The following SUGCT variants were observed in gnomAD, a reference collection of about 807,000 sequenced individuals.
The protein encoded by SUGCT is succinyl-CoA:glutarate CoA-transferase.
Under a neutral mutation model 55.0 loss-of-function variants are expected in SUGCT, and 41 were observed. The observed-to-expected ratio is 0.74, with a 90% CI of 0.58 to 0.97. SUGCT has a LOEUF of 0.97. Ranked by LOEUF, SUGCT falls within the 50% of genes least tolerant of loss-of-function variation. The probability of loss-of-function intolerance (pLI) is 0.00; values close to 1 mark genes in which losing one functional copy is unlikely to be tolerated. For missense variants in SUGCT, 568 were observed against 547.8 expected (o/e 1.04, Z -0.37); for synonymous variants, 187 against 200.4 (o/e 0.93, Z 0.56).
chr7:40,530,969 A>T (rs981073240), intron 12 of SUGCT, among the ~76,000 whole-genome samples: 8 of 152,244 alleles, frequency 5.3e-5, no homozygotes, highest in Non-Finnish European at 8.8e-5. Flanking sequence ...ATAATAAACA[A>T]GTAAATATAA....
chr7:40,704,275 T>C (rs1166380110), intron 12 of SUGCT, among the ~76,000 whole-genome samples: 3 of 152,310 alleles, frequency 2.0e-5, no homozygotes, highest in Non-Finnish European at 4.4e-5. Context: ...TCTCTTCATC[T>C]GTAAGTGGGG....
chr7:40,923,696 A>G, the SUGCT span, among the ~76,000 whole-genome samples: 11,837 of 152,168 alleles, frequency 0.078, 519 homozygotes, highest in African/African-American at 0.11. Flanking sequence ...TATTGCCTAC[A>G]TCCTTGGCAA....
intron 12 of SUGCT, among the ~76,000 whole-genome samples, chr7:40,618,350 T>G (rs942090306): frequency 6.6e-6 from 1 of 152,174 alleles, no homozygotes; most frequent in Non-Finnish European, 1.5e-5. Flanking sequence ...AGTCCACATC[T>G]CACTCAACAG....
chr7:40,632,095 G>A (rs1799814713), intron 12 of SUGCT, among the ~76,000 whole-genome samples: 1 of 152,144 alleles, frequency 6.6e-6, no homozygotes, highest in Admixed American at 6.5e-5. Context: ...TGGAAATGGT[G>A]CTTTATACAT....
chr7:41,038,173 G>A, the SUGCT span, among the ~76,000 whole-genome samples: 11 of 152,180 alleles, frequency 7.2e-5, no homozygotes, highest in Non-Finnish European at 1.6e-4. Context: ...CAGGTGGAAA[G>A]TGAGGCATCC....
At chr7:40,953,903 A>T in the SUGCT span, among the ~76,000 whole-genome samples, 8 of 152,134 alleles carry the variant, frequency 5.3e-5, no homozygotes, top group Non-Finnish European at 1.2e-4. Context: ...GGGGTCAGGG[A>T]CCCACTTGAG....
At chr7:40,789,726 A>G (rs1486832851) in intron 13 of SUGCT, among the ~76,000 whole-genome samples, 1 of 152,166 alleles carries the variant, frequency 6.6e-6, no homozygotes, top group Admixed American at 6.5e-5. Context: ...CTAAAGAGTA[A>G]AAGCCTACTT....
intron 9 of SUGCT, among the ~76,000 whole-genome samples, chr7:40,398,565 C>A (rs889946245): frequency 4.1e-5 from 6 of 145,440 alleles, no homozygotes; most frequent in Non-Finnish European, 1.5e-5. Flanking sequence ...CTAAATTATG[C>A]TTCCCGGGAT....
chr7:40,759,891 A>G (rs1788447414), intron 13 of SUGCT, among the ~76,000 whole-genome samples: 1 of 151,944 alleles, frequency 6.6e-6, no homozygotes, highest in Non-Finnish European at 1.5e-5. Context: ...ATTAAAAAAA[A>G]AAGCAGCAGC....
At chr7:41,035,446 GC>G in the SUGCT span, among the ~76,000 whole-genome samples, 10 of 152,108 alleles carry the variant, frequency 6.6e-5, no homozygotes, top group African/African-American at 2.4e-4. Context: ...GCAAAGAGGG[GC>G]TGCGTTGTTT....
chr7:40,162,774 A>G (rs1784241063), intron 1 of SUGCT, among the ~76,000 whole-genome samples: 1 of 152,168 alleles, frequency 6.6e-6, no homozygotes, highest in South Asian at 2.1e-4. Flanking sequence ...GATGTGAGTC[A>G]CCTCGCCCAG....
intron 6 of SUGCT, among the ~76,000 whole-genome samples, chr7:40,221,495 T>C (rs1184868340): frequency 8.2e-6 from 1 of 122,060 alleles, no homozygotes; most frequent in African/African-American, 3.3e-5. Flanking sequence ...GTTATTGGTC[T>C]TTTTTTTTTT....
At chr7:40,948,301 C>A in the SUGCT span, among the ~76,000 whole-genome samples, 4 of 152,164 alleles carry the variant, frequency 2.6e-5, no homozygotes, top group Non-Finnish European at 5.9e-5. Context: ...AAGGCAGTTG[C>A]AAGATAGATC....
chr7:40,524,068 T>TA (rs1452682483), intron 12 of SUGCT, among the ~76,000 whole-genome samples: 8 of 152,090 alleles, frequency 5.3e-5, no homozygotes, highest in Admixed American at 4.6e-4. Context: ...TAAGCCTTCT[T>TA]ACGTTTATGG....
At chr7:40,789,976 A>G (rs1296857261) in intron 13 of SUGCT, among the ~76,000 whole-genome samples, 1 of 152,204 alleles carries the variant, frequency 6.6e-6, no homozygotes, top group Non-Finnish European at 1.5e-5. Context: ...GGCTGCTCCC[A>G]AAAGCTGCCT....
At chr7:41,004,750 T>C in the SUGCT span, among the ~76,000 whole-genome samples, 2 of 152,140 alleles carry the variant, frequency 1.3e-5, no homozygotes, top group Non-Finnish European at 2.9e-5. Context: ...CATAGAAAAG[T>C]TACTGTACAG....
At chr7:40,351,391 A>G (rs183524696) in intron 9 of SUGCT, among the ~76,000 whole-genome samples, 63 of 152,148 alleles carry the variant, frequency 4.1e-4, no homozygotes, top group African/African-American at 1.3e-3. Context: ...ACATTAAATT[A>G]TTTTATATTT....
At chr7:40,293,854 C>A (rs1793947346) in intron 8 of SUGCT, among the ~76,000 whole-genome samples, 1 of 152,174 alleles carries the variant, frequency 6.6e-6, no homozygotes, top group Non-Finnish European at 1.5e-5. Flanking sequence ...ACTTTCTTGG[C>A]TTGTCTGGGG....
At chr7:40,683,967 A>T (rs1453602398) in intron 12 of SUGCT, 2 of 1,554,460 alleles carry the variant, frequency 1.3e-6, no homozygotes, top group Admixed American at 3.8e-5. Flanking sequence ...GGGAAAAGCC[A>T]TTTCCTTGAT....
Sources: allele counts gnomAD v4.1 joint callset (sites outside exome capture counted in the v4.1 genomes callset), GRCh38; gene constraint gnomAD v4.1.1; transcripts MANE v1.5; gene names NCBI Gene and HGNC (gene_info 2026-07-23, HGNC 2026-07-21).